FSTL3: variants seen among roughly 807,000 people sequenced by gnomAD.
FSTL3 encodes follistatin-related protein 3.
A neutral mutation model predicts 28.1 loss-of-function variants in FSTL3; 21 were observed. The observed-to-expected ratio is 0.75, with a 90% CI of 0.53 to 1.08. The LOEUF (loss-of-function observed/expected upper bound fraction) is 1.08. Among genes scored for constraint, FSTL3 ranks in the 50% least tolerant of loss-of-function variants. The probability of loss-of-function intolerance (pLI) is 0.00; values close to 1 mark genes in which losing one functional copy is unlikely to be tolerated. For synonymous variants in FSTL3, 199 were observed against 164.2 expected (o/e 1.21, Z -1.62); for missense variants, 400 against 380.9 (o/e 1.05, Z -0.42).
chr19:677,547 TG>T (rs2144797190), intron 1 of FSTL3, among the ~76,000 whole-genome samples: 1 of 3,800 alleles, frequency 2.6e-4, no homozygotes, highest in East Asian at 5.6e-3. Flanking sequence ...AGGGACCTCC[TG>T]GGGTGGGTGG....
chr19:681,621 G>T (rs534075695), intron 4 of FSTL3, 29 bp from the exon 5 acceptor site: 1 of 1,590,476 alleles, frequency 6.3e-7, no homozygotes, highest in Non-Finnish European at 8.6e-7. Context: ...CCTGCCCTGC[G>T]CCCTCAATGC....
intron 3 of FSTL3, chr19:680,973 T>A: frequency 3.4e-6 from 1 of 297,714 alleles, no homozygotes; most frequent in Non-Finnish European, 6.3e-6. Context: ...TGAGACTGGG[T>A]CATGTAAGGG....
chr19:681,689 A>G lies in FSTL3; in HGVS notation c.773A>G (p.Glu258Gly). Residue 258 changes from glutamate (E) to glycine (G), a missense_variant, in exon 5 of 5, where the codon GAG (glutamate) becomes GGG (glycine). By Grantham distance (98) the Glu-to-Gly change is moderately conservative. Transcript: ENST00000166139. ...EEPPGGESAE[E>G]EENFV ...CCGCCAGGTGGTGAGTCTGCAGAAGAGGAAGAGAACTTCGTGTGAGCCTGC... is the reference window on the plus strand; with the variant it reads ...CCGCCAGGTGGTGAGTCTGCAGAAGGGGAAGAGAACTTCGTGTGAGCCTGC... 1.9e-6 allele frequency: 3 copies of G among 1,564,844 alleles called. No individual in the cohort carries two copies. Among genetic ancestry groups the G allele is most frequent in the Non-Finnish European group, 2.6e-6 (3 of 1,155,310 alleles).
At chr19:679,823 G>A (rs532152823) in intron 2 of FSTL3, among the ~76,000 whole-genome samples, 1 of 152,290 alleles carries the variant, frequency 6.6e-6, no homozygotes, top group South Asian at 2.1e-4. Context: ...CCTCCTGGGG[G>A]AAGGTCCTGG....
chr19:680,673 CT>C (rs2031313086), intron 3 of FSTL3, 184 bp downstream of exon 3: 1 of 115,088 alleles, frequency 8.7e-6, no homozygotes, highest in Non-Finnish European at 1.7e-5. Flanking sequence ...GCGGGGCCTG[CT>C]GGAGGGGCGG....
At chr19:678,597 G>T (rs192170795) in intron 2 of FSTL3, among the ~76,000 whole-genome samples, 1 of 146,128 alleles carries the variant, frequency 6.8e-6, no homozygotes, top group Non-Finnish European at 1.5e-5. Context: ...TGCAACTTCG[G>T]CCTCCGAGGT....
At chr19:678,142 G>A in intron 2 of FSTL3, 165 bp downstream of exon 2, 1 of 649,338 alleles carries the variant, frequency 1.5e-6, no homozygotes, top group Non-Finnish European at 2.6e-6. Context: ...GGACTTCCCG[G>A]TTCCCAGGCT....
rs1246261392 is a variant in FSTL3, at chr19:681,851, G to A, written c.*143G>A. The A allele has an allele frequency of 6.6e-6, 5 of 752,844 alleles. No homozygotes were observed. Among genetic ancestry groups the A allele is most frequent in the Non-Finnish European group, 8.9e-6 (4 of 447,972 alleles). The allele number at this position is 752,844 out of a possible 1,614,324, so 46.6% of individuals were successfully genotyped here. Reference sequence around the variant, plus strand: ...CACTTGGGGATCCCAGAACCTCCCTGACGATATCCTGGAAGGACTGAGGAA... The same window carrying A: ...CACTTGGGGATCCCAGAACCTCCCTAACGATATCCTGGAAGGACTGAGGAA... On this transcript the variant is annotated 3_prime_UTR_variant, in exon 5 of 5. Coordinates refer to ENST00000166139, the MANE Select transcript of FSTL3 (RefSeq NM_005860.3).
At position 676,463 on chromosome 19, in the gene FSTL3, T is replaced by C; in HGVS notation, c.40T>C (p.Trp14Arg). 1 of 1,185,560 alleles carries C rather than the reference T, an allele frequency of 8.4e-7. No individual in the cohort carries two copies. The highest frequency in any genetic ancestry group is 3.9e-5 in the East Asian group (1 of 25,788). The allele number at this position is 1,185,560 out of a possible 1,614,324, so 73.4% of individuals were successfully genotyped here. ...GAPGPLWPLP[W>R]GALAWAVGFV... ...GCCAGGGCCACTCTGGCCTCTGCCC[T>C]GGGGGGCCCTGGCTTGGGCCGTGGG... Residue 14 changes from tryptophan (W) to arginine (R), a missense_variant, in exon 1 of 5, where the codon TGG becomes CGG. By Grantham distance (101) the Trp-to-Arg change is moderately radical. Coordinates refer to ENST00000166139, the MANE Select transcript of FSTL3 (RefSeq NM_005860.3).
intron 2 of FSTL3, among the ~76,000 whole-genome samples, chr19:678,248 C>T (rs895517167): frequency 1.3e-5 from 2 of 152,204 alleles, no homozygotes; most frequent in Non-Finnish European, 2.9e-5. Flanking sequence ...CCCACCTGGT[C>T]GATAAATGTC....
At chr19:679,622 T>A (rs1300428135) in intron 2 of FSTL3, among the ~76,000 whole-genome samples, 1 of 152,226 alleles carries the variant, frequency 6.6e-6, no homozygotes, top group African/African-American at 2.4e-5. Context: ...TAGGAGGCGA[T>A]GAGCATTCAC....
intron 3 of FSTL3, 122 bp from the exon 4 acceptor site, chr19:681,211 G>A: frequency 1.5e-6 from 1 of 647,274 alleles, no homozygotes. Flanking sequence ...GCGGGGGGGT[G>A]CTTGTGTCTC....
rs1234193949 is a variant in FSTL3, at chr19:680,375, C to T, written c.391C>T (p.Arg131Trp). ...GCCCGACTGCTCGGGGCTCCCGGCG[C>T]GGCTGCAGGTCTGCGGCTCAGACGG... Reference protein sequence around the residue: ...CAPDCSGLPARLQVCGSDGAT... With the variant: ...CAPDCSGLPAWLQVCGSDGAT... Residue 131 changes from arginine (R) to tryptophan (W), a missense_variant, in exon 3 of 5, where the codon CGG becomes TGG. Arg to Trp is a moderately radical substitution (Grantham distance 101, BLOSUM62 -3). Transcript: ENST00000166139. 8 of 1,282,236 alleles carry T rather than the reference C, an allele frequency of 6.2e-6. No homozygotes were observed. Among genetic ancestry groups the T allele is most frequent in the Admixed American group, 4.2e-5 (1 of 23,850 alleles). 79.4% of individuals were successfully genotyped at this position (1,282,236 alleles called of 1,614,324 possible).
chr19:682,673 G>A lies in FSTL3; in HGVS notation c.*965G>A, dbSNP rs1042789057. The A allele has an allele frequency of 2.0e-4, 46 of 233,490 alleles. No individual in the cohort carries two copies. The highest frequency in any genetic ancestry group is 9.9e-4 in the African/African-American group (45 of 45,472). 14.5% of individuals were successfully genotyped at this position (233,490 alleles called of 1,614,324 possible). A position where few individuals can be genotyped will look rare whatever the true frequency, so the allele number is the denominator to read the frequency against. ...GTGCTTGGCCACAGAACCACCCAGC[G>A]TCTCCCCTGCTGCTGTCCACGTCAG... On this transcript the variant is annotated 3_prime_UTR_variant, in exon 5 of 5. Coordinates refer to ENST00000166139, the MANE Select transcript of FSTL3 (RefSeq NM_005860.3).
In FSTL3 at chr19:678,263, T is replaced by G. The variant is rs144622531; in HGVS notation, c.289+286T>G. 2.4e-3 allele frequency among the ~76,000 whole-genome samples: 373 copies of G among 152,328 alleles called. 1 individual carries two copies. Among genetic ancestry groups the G allele is most frequent in the African/African-American group, 8.7e-3 (363 of 41,578 alleles). ...CCCACCTGGTCGATAAATGTCTGGCTTGCACCTAGCTCCTGGGAAGGTGGG... is the reference window on the plus strand; with the variant it reads ...CCCACCTGGTCGATAAATGTCTGGCGTGCACCTAGCTCCTGGGAAGGTGGG... On this transcript the variant is annotated intron_variant, in intron 2 of 4. Transcript: ENST00000166139.
At chr19:681,189 G>A in intron 3 of FSTL3, 144 bp from the exon 4 acceptor site, 1 of 536,208 alleles carries the variant, frequency 1.9e-6, no homozygotes, top group South Asian at 2.1e-5. Context: ...TGGAGAGGGG[G>A]GCTCACGGGG....
chr19:680,246 GC>G, intron 2 of FSTL3, 27 bp from the exon 3 acceptor site: 4 of 1,320,800 alleles, frequency 3.0e-6, no homozygotes, highest in South Asian at 1.8e-5. Context: ...CCCGCGCCCG[GC>G]CCCACGCGCG....
At position 682,785 on chromosome 19, in the gene FSTL3, A is replaced by T. The variant is rs909156009; in HGVS notation, c.*1077A>T. 1 of 232,696 alleles carries T rather than the reference A, an allele frequency of 4.3e-6. No individual in the cohort carries two copies. 14.4% of individuals were successfully genotyped at this position (232,696 alleles called of 1,614,324 possible). On this transcript the variant is annotated 3_prime_UTR_variant, in exon 5 of 5. Transcript: ENST00000166139. ...CACTGTGTCCGGCGGAGCCAAGTCC[A>T]CTCTGGGGGAGCTCTGGCGGGGACC...
At chr19:679,050 G>A (rs182634145) in intron 2 of FSTL3, among the ~76,000 whole-genome samples, 1 of 152,116 alleles carries the variant, frequency 6.6e-6, no homozygotes, top group African/African-American at 2.4e-5. Flanking sequence ...TCCCAGATCA[G>A]CCTGGCTGGG....
Sources: allele counts gnomAD v4.1 joint callset (sites outside exome capture counted in the v4.1 genomes callset), GRCh38; gene constraint gnomAD v4.1.1; transcripts MANE v1.5; gene names NCBI Gene and HGNC (gene_info 2026-07-23, HGNC 2026-07-21).